Variants in RIMS2 observed in about 807,000 individuals in gnomAD.
RIMS2 encodes the protein regulating synaptic membrane exocytosis protein 2.
RIMS2 carries 59 observed loss-of-function variants against 174.4 expected under a neutral mutation model. The ratio of observed to expected loss-of-function variants is 0.34; its 90% CI spans 0.27 to 0.42. RIMS2 has a LOEUF of 0.42. Ranked by LOEUF, RIMS2 falls within the 10% of genes least tolerant of loss-of-function variation. The pLI is 1.00. For synonymous variants in RIMS2, 606 were observed against 572.5 expected, an observed-to-expected ratio of 1.06 and a Z score of -0.84; for missense variants, 1,620 against 1,666.3, an observed-to-expected ratio of 0.97 and a Z score of 0.48.
intron 1 of RIMS2, among the ~76,000 whole-genome samples, chr8:103,560,345 C>A (rs1048439130): frequency 6.6e-6 from 1 of 152,120 alleles, no homozygotes; most frequent in South Asian, 2.1e-4. Context: ...CCATTGCACT[C>A]CAGCCTGGGT....
At chr8:104,044,907 T>C (rs945536850) in intron 19 of RIMS2, among the ~76,000 whole-genome samples, 1 of 151,718 alleles carries the variant, frequency 6.6e-6, no homozygotes, top group African/African-American at 2.4e-5. Context: ...ATACAGACGA[T>C]AAGAAAACAT....
intron 3 of RIMS2, among the ~76,000 whole-genome samples, chr8:103,876,909 T>TATATATATACACAC (rs71297243): frequency 1.9e-3 from 123 of 65,982 alleles, no homozygotes; most frequent in Non-Finnish European, 3.8e-3. Context: ...TATATATATA[T>TATATATATACACAC]ACACACACAC....
At chr8:103,555,318 T>C (rs1253249628) in intron 1 of RIMS2, among the ~76,000 whole-genome samples, 1 of 152,152 alleles carries the variant, frequency 6.6e-6, no homozygotes, top group Non-Finnish European at 1.5e-5. Flanking sequence ...CACAAAGATA[T>C]ATTACCTCAC....
At chr8:104,092,906 C>CT (rs1172909893) in intron 19 of RIMS2, among the ~76,000 whole-genome samples, 3 of 152,096 alleles carry the variant, frequency 2.0e-5, no homozygotes, top group African/African-American at 7.2e-5. Context: ...AGTTAACTAT[C>CT]TGACTATTTC....
chr8:103,725,385 C>A (rs546095008), intron 2 of RIMS2, among the ~76,000 whole-genome samples: 15 of 152,230 alleles, frequency 9.9e-5, no homozygotes, highest in African/African-American at 2.6e-4. Context: ...CTTTTCCTGT[C>A]AGTTTTTTAT....
chr8:103,966,721 G>T (rs1025042227), intron 15 of RIMS2, among the ~76,000 whole-genome samples: 1 of 151,698 alleles, frequency 6.6e-6, no homozygotes, highest in African/African-American at 2.4e-5. Flanking sequence ...CTGATTTTAG[G>T]TATTGCTTTT....
intron 1 of RIMS2, among the ~76,000 whole-genome samples, chr8:103,548,120 C>T (rs1187083974): frequency 6.6e-6 from 1 of 152,046 alleles, no homozygotes; most frequent in Non-Finnish European, 1.5e-5. Context: ...GAAACTATTC[C>T]AAAACAACTG....
At chr8:104,035,381 A>ATT (rs1399006185) in intron 19 of RIMS2, among the ~76,000 whole-genome samples, 1 of 152,004 alleles carries the variant, frequency 6.6e-6, no homozygotes, top group Non-Finnish European at 1.5e-5. Flanking sequence ...TAATATTTTA[A>ATT]TGTGTACATA....
intron 19 of RIMS2, among the ~76,000 whole-genome samples, chr8:104,145,039 C>T (rs2098622043): frequency 6.6e-6 from 1 of 152,150 alleles, no homozygotes; most frequent in Admixed American, 6.6e-5. Context: ...GCATTTTCAA[C>T]AGTACATTGT....
chr8:104,131,132 A>C (rs892799599), intron 19 of RIMS2, among the ~76,000 whole-genome samples: 4 of 152,246 alleles, frequency 2.6e-5, no homozygotes, highest in African/African-American at 9.6e-5. Flanking sequence ...TAGACATCAT[A>C]GTATAATAGT....
At chr8:103,775,374 T>C (rs569711142) in intron 3 of RIMS2, among the ~76,000 whole-genome samples, 5 of 150,146 alleles carry the variant, frequency 3.3e-5, no homozygotes, top group Non-Finnish European at 5.9e-5. Context: ...CTAGAAAAAA[T>C]AAATCACCAA....
chr8:103,893,570 A>T (rs2099259784), intron 4 of RIMS2, among the ~76,000 whole-genome samples: 1 of 152,108 alleles, frequency 6.6e-6, no homozygotes, highest in African/African-American at 2.4e-5. Context: ...AATTCAGCCC[A>T]TCACTTTTCT....
intron 19 of RIMS2, among the ~76,000 whole-genome samples, chr8:104,092,531 A>G (rs2097679824): frequency 6.6e-6 from 1 of 151,890 alleles, no homozygotes; most frequent in Non-Finnish European, 1.5e-5. Flanking sequence ...TACAGGCTAC[A>G]TTTACTTACA....
chr8:103,941,954 C>T (rs182993965), intron 13 of RIMS2, among the ~76,000 whole-genome samples: 25 of 152,140 alleles, frequency 1.6e-4, no homozygotes, highest in African/African-American at 4.6e-4. Flanking sequence ...GAATATGGCA[C>T]GGTTCTTAAT....
intron 2 of RIMS2, among the ~76,000 whole-genome samples, chr8:103,749,545 G>A (rs1206049164): frequency 6.6e-6 from 1 of 152,046 alleles, no homozygotes; most frequent in Non-Finnish European, 1.5e-5. Context: ...TTTTGATAGA[G>A]GCATGCAATG....
At chr8:104,033,086 T>TGTG in intron 19 of RIMS2, among the ~76,000 whole-genome samples, 2 of 151,962 alleles carry the variant, frequency 1.3e-5, no homozygotes, top group Admixed American at 6.6e-5. Flanking sequence ...CTAATATTAA[T>TGTG]CTATGAATTA....
intron 3 of RIMS2, among the ~76,000 whole-genome samples, chr8:103,799,836 G>T (rs1463800137): frequency 6.6e-6 from 1 of 152,068 alleles, no homozygotes; most frequent in Admixed American, 6.6e-5. Context: ...GCATTTTAAT[G>T]TTGATGTAGT....
intron 3 of RIMS2, among the ~76,000 whole-genome samples, chr8:103,822,636 C>T (rs2098759233): frequency 6.6e-6 from 1 of 151,814 alleles, no homozygotes; most frequent in Non-Finnish European, 1.5e-5. Flanking sequence ...CATTTTAGTG[C>T]ATGAAGCAGG....
intron 19 of RIMS2, among the ~76,000 whole-genome samples, chr8:104,186,740 G>A (rs1345702434): frequency 1.3e-5 from 2 of 151,784 alleles, no homozygotes; most frequent in Admixed American, 1.3e-4. Flanking sequence ...CCAGTCCAGA[G>A]AGGGTCTCCT....
Sources: allele counts gnomAD v4.1 joint callset (sites outside exome capture counted in the v4.1 genomes callset), GRCh38; gene constraint gnomAD v4.1.1; transcripts MANE v1.5; gene names NCBI Gene and HGNC (gene_info 2026-07-23, HGNC 2026-07-21).